SLIT3: variants seen among roughly 807,000 people sequenced by gnomAD.
SLIT3 encodes slit guidance ligand 3, also known as slit homolog 3 protein.
A neutral mutation model predicts 184.0 loss-of-function variants in SLIT3; 68 were observed. The ratio of observed to expected loss-of-function variants is 0.37; its 90% CI spans 0.30 to 0.45. The LOEUF is 0.45. SLIT3 is among the 20% of genes least tolerant of loss of function. The pLI is 1.00. For synonymous variants in SLIT3, 831 were observed against 828.6 expected, an observed-to-expected ratio of 1.00 and a Z score of -0.05; for missense variants, 1,707 against 2,026.0, an observed-to-expected ratio of 0.84 and a Z score of 3.02.
At chr5:168,850,156 G>A (rs1159387300) in intron 5 of SLIT3, among the ~76,000 whole-genome samples, 1 of 152,084 alleles carries the variant, frequency 6.6e-6, no homozygotes, top group African/African-American at 2.4e-5. Flanking sequence ...ACTGAGTACT[G>A]GTTACACTTC....
At chr5:168,755,448 T>TCTTTCTTTCTTTCTTTCTCTTTCTTTC in intron 16 of SLIT3, among the ~76,000 whole-genome samples, 1 of 102,666 alleles carries the variant, frequency 9.7e-6, no homozygotes, top group African/African-American at 3.4e-5. Context: ...TTTCTTTCTT[T>TCTTTCTTTCTTTCTTTCTCTTTCTTTC]TTGAGACAGA....
rs1266868241 is a variant in SLIT3, at chr5:168,791,509, A to G, written c.1008-1878T>C. 2.6e-5 allele frequency: 4 copies of G among 152,326 alleles called. No individual in the cohort carries two copies. In the East Asian group the frequency reaches 7.7e-4, roughly 29 times the overall value. 9.4% of individuals were successfully genotyped at this position (152,326 alleles called of 1,614,324 possible). On this transcript the variant is annotated intron_variant, in intron 10 of 35. Transcript: ENST00000519560. ...AAACTGCATATTTAGGCTGGTTCAA[A>G]GGTAGTGAGTTCTCTCAATGGATTG...
At chr5:168,673,608 A>G (rs967529504) in intron 32 of SLIT3, among the ~76,000 whole-genome samples, 1 of 152,244 alleles carries the variant, frequency 6.6e-6, no homozygotes, top group Non-Finnish European at 1.5e-5. Flanking sequence ...TACATACATT[A>G]CAGCCCTTTA....
intron 4 of SLIT3, among the ~76,000 whole-genome samples, chr5:168,948,820 C>A (rs756184705): frequency 3.9e-5 from 6 of 152,194 alleles, no homozygotes; most frequent in Non-Finnish European, 8.8e-5. Context: ...TCTGTGAGCA[C>A]CGCAGGGCTC....
At chr5:168,773,034 C>T (rs1755613781) in intron 13 of SLIT3, 90 bp from the exon 14 acceptor site, 1 of 1,343,576 alleles carries the variant, frequency 7.4e-7, no homozygotes, top group Admixed American at 2.6e-5. Flanking sequence ...CCCTGGCAAT[C>T]CACTGCAAGG....
At position 169,300,792 on chromosome 5, in the gene SLIT3, G is replaced by A; in HGVS notation, c.-83C>T. The A allele has an allele frequency of 2.4e-6, 3 of 1,226,650 alleles. No homozygotes were observed. The highest frequency in any genetic ancestry group is 3.1e-6 in the Non-Finnish European group (3 of 983,368). The allele number at this position is 1,226,650 out of a possible 1,614,324, so 76.0% of individuals were successfully genotyped here. A position where few individuals can be genotyped will look rare whatever the true frequency, so the allele number is the denominator to read the frequency against. On this transcript the variant is annotated 5_prime_UTR_variant, in exon 1 of 36. Coordinates refer to ENST00000519560, the MANE Select transcript of SLIT3 (RefSeq NM_003062.4). The surrounding 1 kb of genome is among the most constrained non-coding windows in gnomAD (Gnocchi z 4.1). ...CCCGAGGAGGCGCGCGGGGAGCGCG[G>A]GCGGCCTGGGGAGCGGGCGGCGGAG...
chr5:168,714,796 C>T (rs974182909), intron 23 of SLIT3, among the ~76,000 whole-genome samples: 3 of 152,124 alleles, frequency 2.0e-5, no homozygotes, highest in Non-Finnish European at 2.9e-5. Context: ...TGCCTCCCAG[C>T]GGCTGGGCTG....
chr5:168,873,177 G>A (rs528089395), intron 5 of SLIT3, among the ~76,000 whole-genome samples: 2 of 152,148 alleles, frequency 1.3e-5, no homozygotes, highest in African/African-American at 2.4e-5. Context: ...GAGAGTCCAC[G>A]CTAATCTTGG....
At chr5:169,248,181 C>A (rs1374162246) in intron 2 of SLIT3, among the ~76,000 whole-genome samples, 1 of 152,128 alleles carries the variant, frequency 6.6e-6, no homozygotes, top group African/African-American at 2.4e-5. Flanking sequence ...AGTAGTGACC[C>A]CGTTTTGACT....
chr5:168,966,524 C>T (rs949688601), intron 4 of SLIT3, among the ~76,000 whole-genome samples: 2 of 152,156 alleles, frequency 1.3e-5, no homozygotes, highest in African/African-American at 4.8e-5. Context: ...CCCTCCTTGT[C>T]TTTACAATGT....
intron 4 of SLIT3, among the ~76,000 whole-genome samples, chr5:169,135,973 T>C (rs1030375813): frequency 6.6e-6 from 1 of 152,248 alleles, no homozygotes; most frequent in Non-Finnish European, 1.5e-5. Context: ...CACTTCTCTA[T>C]ATCACGGACA....
chr5:168,833,413 C>A (rs1279976530), intron 6 of SLIT3, among the ~76,000 whole-genome samples: 2 of 152,180 alleles, frequency 1.3e-5, no homozygotes, highest in Non-Finnish European at 2.9e-5. Flanking sequence ...GGGCAGGGGA[C>A]TCCAGTGCTT....
At chr5:168,729,531 T>C (rs1581013259) in intron 20 of SLIT3, among the ~76,000 whole-genome samples, 1 of 152,120 alleles carries the variant, frequency 6.6e-6, no homozygotes, top group Admixed American at 6.5e-5. Flanking sequence ...GCCCAGAATT[T>C]TGTATTCTGC....
chr5:169,111,274 G>A (rs1760399230), intron 4 of SLIT3, among the ~76,000 whole-genome samples: 1 of 152,316 alleles, frequency 6.6e-6, no homozygotes, highest in Admixed American at 6.5e-5. Context: ...CACCTACTTT[G>A]TTACAGCAGC....
chr5:168,746,664 A>G (rs116028281), intron 20 of SLIT3, among the ~76,000 whole-genome samples: 600 of 15,662 alleles, frequency 0.038, 22 homozygotes, highest in Admixed American at 0.051. Flanking sequence ...GTGGTGTGTG[A>G]GTGTGGTGGT....
chr5:169,014,189 A>G lies in SLIT3; in HGVS notation c.414-130853T>C, dbSNP rs148232361. ...ATGACACACTCATGGAGTGAACATA[A>G]TCTTTGTGGCATGATACAAAGGGAC... On this transcript the variant is annotated intron_variant, in intron 4 of 35. Coordinates refer to ENST00000519560, the MANE Select transcript of SLIT3 (RefSeq NM_003062.4). Among the ~76,000 whole-genome samples the G allele has an allele frequency of 3.9e-5, 6 of 152,286 alleles. No individual in the cohort carries two copies. In the East Asian group the frequency reaches 1.2e-3, roughly 29 times the overall value.
chr5:168,720,594 G>C (rs1447764474), intron 23 of SLIT3: 1 of 152,328 alleles, frequency 6.6e-6, no homozygotes, highest in Non-Finnish European at 1.5e-5. Flanking sequence ...GAGAAGGAAG[G>C]GGGAGCAGGT....
At chr5:168,703,226 TTG>T (rs370363011) in intron 26 of SLIT3, among the ~76,000 whole-genome samples, 10,580 of 126,284 alleles carry the variant, frequency 0.084, 412 homozygotes, top group Middle Eastern at 0.12. Context: ...TCATCCCACT[TTG>T]TGTGTGTGTG....
intron 4 of SLIT3, among the ~76,000 whole-genome samples, chr5:168,905,895 C>T (rs1007709621): frequency 6.6e-5 from 10 of 152,148 alleles, no homozygotes; most frequent in African/African-American, 2.4e-4. Context: ...GGTGGTATCT[C>T]CCTGATTTAA....
Sources: allele counts gnomAD v4.1 joint callset (sites outside exome capture counted in the v4.1 genomes callset), GRCh38; gene constraint gnomAD v4.1.1; non-coding constraint Gnocchi (gnomAD v3.1); transcripts MANE v1.5; gene names NCBI Gene and HGNC (gene_info 2026-07-23, HGNC 2026-07-21).